The following SSH2 variants were observed in gnomAD, a reference collection of about 807,000 sequenced individuals.
SSH2 encodes the protein slingshot protein phosphatase 2, also known as protein phosphatase Slingshot homolog 2.
Under a neutral mutation model 135.2 loss-of-function variants are expected in SSH2, and 37 were observed. That is an observed-to-expected ratio of 0.27 (90% confidence interval 0.21 to 0.36). SSH2 has a LOEUF of 0.36. Among genes scored for constraint, SSH2 ranks in the 10% least tolerant of loss-of-function variants. SSH2 has a pLI of 1.00. For missense variants in SSH2, 1,408 were observed against 1,765.3 expected (o/e 0.80, Z 3.63); for synonymous variants, 628 against 646.2 (o/e 0.97, Z 0.43).
chr17:29,736,161 C>T (rs2040357180), intron 3 of SSH2, among the ~76,000 whole-genome samples: 1 of 152,162 alleles, frequency 6.6e-6, no homozygotes, highest in Non-Finnish European at 1.5e-5. Flanking sequence ...AGTTGACTTA[C>T]TAAAGCCCTA....
At chr17:29,852,531 T>TC (rs1340490131) in intron 1 of SSH2, among the ~76,000 whole-genome samples, 1 of 151,622 alleles carries the variant, frequency 6.6e-6, no homozygotes, top group Non-Finnish European at 1.5e-5. Context: ...CAAGTTCATT[T>TC]CCCTGCCTTC....
intron 3 of SSH2, among the ~76,000 whole-genome samples, chr17:29,791,590 A>G (rs979178421): frequency 1.3e-5 from 2 of 152,226 alleles, no homozygotes; most frequent in Non-Finnish European, 2.9e-5. Context: ...AACAATCTGT[A>G]GCAGTCAAAC....
At chr17:29,746,405 G>A (rs888155724) in intron 3 of SSH2, among the ~76,000 whole-genome samples, 11 of 151,570 alleles carry the variant, frequency 7.3e-5, no homozygotes, top group East Asian at 1.9e-4. Context: ...AAAATTAGCC[G>A]GGTGTGGTGG....
chr17:29,888,120 C>T (rs537427625), intron 1 of SSH2, among the ~76,000 whole-genome samples: 1 of 152,218 alleles, frequency 6.6e-6, no homozygotes, highest in East Asian at 1.9e-4. Context: ...TGCCTGTAGT[C>T]CCAGCTACTC....
chr17:29,792,542 CA>C (rs2151303298), intron 3 of SSH2, among the ~76,000 whole-genome samples: 1 of 151,678 alleles, frequency 6.6e-6, no homozygotes, highest in East Asian at 1.9e-4. Flanking sequence ...TATGTGTTAA[CA>C]AATCAGGAAA....
At chr17:29,762,531 G>A (rs555310645) in intron 3 of SSH2, among the ~76,000 whole-genome samples, 14 of 152,304 alleles carry the variant, frequency 9.2e-5, no homozygotes, top group African/African-American at 3.4e-4. Flanking sequence ...CTAAGCAGAT[G>A]ACCTCGTTTA....
At chr17:29,716,321 T>C (rs2039620091) in intron 3 of SSH2, 2 of 456,226 alleles carry the variant, frequency 4.4e-6, no homozygotes, top group Non-Finnish European at 8.1e-6. Flanking sequence ...CTTTTTCTGA[T>C]CATTTTCTTT....
chr17:29,732,976 C>T (rs1362698868), intron 3 of SSH2, among the ~76,000 whole-genome samples: 1 of 152,120 alleles, frequency 6.6e-6, no homozygotes, highest in African/African-American at 2.4e-5. Flanking sequence ...ACAAGAGCTA[C>T]CCAGGTCAAC....
At chr17:29,766,259 C>T (rs946101874) in intron 3 of SSH2, among the ~76,000 whole-genome samples, 40 of 151,580 alleles carry the variant, frequency 2.6e-4, no homozygotes, top group African/African-American at 9.2e-4. Flanking sequence ...CTTTGGGAGG[C>T]GGAGGCAGGA....
At chr17:29,743,017 C>T (rs1177390342) in intron 3 of SSH2, among the ~76,000 whole-genome samples, 1 of 152,062 alleles carries the variant, frequency 6.6e-6, no homozygotes, top group East Asian at 1.9e-4. Context: ...CTGCAACCTC[C>T]ACCTCCCGGG....
chr17:29,656,259 C>T (rs997058074), intron 11 of SSH2, among the ~76,000 whole-genome samples: 5 of 152,170 alleles, frequency 3.3e-5, no homozygotes, highest in Admixed American at 1.3e-4. Flanking sequence ...TCACTGCAAC[C>T]TCTGCCTCCC....
intron 15 of SSH2, among the ~76,000 whole-genome samples, chr17:29,634,284 CTA>C (rs1005783370): frequency 6.9e-4 from 105 of 152,198 alleles, no homozygotes; most frequent in African/African-American, 2.4e-3. Context: ...GGCAAAGAAT[CTA>C]TGACTAGCTC....
At chr17:29,804,443 C>G (rs2042304317) in intron 2 of SSH2, among the ~76,000 whole-genome samples, 1 of 152,166 alleles carries the variant, frequency 6.6e-6, no homozygotes. Flanking sequence ...TGGACAACAG[C>G]TAATTTAAGA....
In SSH2 at chr17:29,903,168, G is replaced by C. The variant is rs115969609; in HGVS notation, c.63+26770C>G. Reference sequence around the variant, plus strand: ...GCCACTGCATTCCAGCCTGGGCAAAGAGCAAGACTCTGTCTCAACTTAAAA... The same window carrying C: ...GCCACTGCATTCCAGCCTGGGCAAACAGCAAGACTCTGTCTCAACTTAAAA... On this transcript the variant is annotated intron_variant, in intron 1 of 15. Transcript: ENST00000540801. 8.3e-3 allele frequency among the ~76,000 whole-genome samples: 1,246 copies of C among 151,010 alleles called. 19 individuals carry two copies. The highest frequency in any genetic ancestry group is 0.029 in the African/African-American group (1,189 of 41,252).
At chr17:29,643,063 A>G (rs2036229998) in intron 14 of SSH2, 1 of 905,098 alleles carries the variant, frequency 1.1e-6, no homozygotes, top group Non-Finnish European at 1.3e-6. Flanking sequence ...TCTGCAAACA[A>G]TGAGAGATTT....
At chr17:29,766,020 CA>C (rs56037567) in intron 3 of SSH2, among the ~76,000 whole-genome samples, 74 of 100,566 alleles carry the variant, frequency 7.4e-4, no homozygotes, top group Admixed American at 1.3e-3. Flanking sequence ...ACTCCGTCTC[CA>C]AAAAAAAAAA....
intron 1 of SSH2, among the ~76,000 whole-genome samples, chr17:29,876,020 C>T (rs555862613): frequency 5.2e-4 from 76 of 146,082 alleles, no homozygotes; most frequent in African/African-American, 1.6e-3. Context: ...ATTCCATGTT[C>T]ATGGATTGGA....
At chr17:29,743,015 T>C (rs1414299243) in intron 3 of SSH2, among the ~76,000 whole-genome samples, 1 of 152,106 alleles carries the variant, frequency 6.6e-6, no homozygotes, top group African/African-American at 2.4e-5. Flanking sequence ...CACTGCAACC[T>C]CCACCTCCCG....
intron 1 of SSH2, among the ~76,000 whole-genome samples, chr17:29,920,579 G>C (rs545809735): frequency 4.6e-5 from 7 of 152,156 alleles, no homozygotes; most frequent in African/African-American, 1.7e-4. Flanking sequence ...TTGGAAAAAA[G>C]GAGTGACTGT....
Sources: gnomAD v4.1 joint callset for allele counts (sites outside exome capture counted in the v4.1 genomes callset) on GRCh38, gnomAD v4.1.1 for gene constraint, MANE v1.5 for transcripts, NCBI Gene and HGNC (gene_info 2026-07-23, HGNC 2026-07-21) for gene names.